Variants in FRMD4A observed in about 807,000 individuals in gnomAD.
The protein encoded by FRMD4A is FERM domain containing 4A.
Under a neutral mutation model 129.1 loss-of-function variants are expected in FRMD4A, and 29 were observed. The ratio of observed to expected loss-of-function variants is 0.22; its 90% CI spans 0.17 to 0.31. The LOEUF (loss-of-function observed/expected upper bound fraction) is 0.31. Ranked by LOEUF, FRMD4A falls within the 10% of genes least tolerant of loss-of-function variation. The pLI is 1.00. For missense variants in FRMD4A, 1,272 were observed against 1,375.8 expected, an observed-to-expected ratio of 0.92 and a Z score of 1.19; for synonymous variants, 634 against 571.6, an observed-to-expected ratio of 1.11 and a Z score of -1.56.
chr10:14,318,896 G>A (rs1354808265), intron 2 of FRMD4A, among the ~76,000 whole-genome samples: 1 of 152,150 alleles, frequency 6.6e-6, no homozygotes, highest in Non-Finnish European at 1.5e-5. Flanking sequence ...AATGCAACAG[G>A]AGCAAGTCTG....
intron 2 of FRMD4A, among the ~76,000 whole-genome samples, chr10:14,123,287 C>T (rs894675413): frequency 6.6e-6 from 1 of 152,164 alleles, no homozygotes; most frequent in African/African-American, 2.4e-5. Context: ...GTCCTGTTCC[C>T]AAGACTCCCT....
At chr10:14,167,967 T>C (rs939894363) in intron 2 of FRMD4A, among the ~76,000 whole-genome samples, 4 of 152,208 alleles carry the variant, frequency 2.6e-5, no homozygotes, top group African/African-American at 4.8e-5. Flanking sequence ...TCCTCCAGCC[T>C]TTTGGCACAA....
chr10:13,976,063 C>T (rs144666366), intron 2 of FRMD4A, among the ~76,000 whole-genome samples: 3 of 152,116 alleles, frequency 2.0e-5, no homozygotes, highest in African/African-American at 7.2e-5. Context: ...GTAGGGAATA[C>T]CATGTTAGAC....
At chr10:14,156,035 CA>C (rs766623446) in intron 2 of FRMD4A, among the ~76,000 whole-genome samples, 7 of 152,160 alleles carry the variant, frequency 4.6e-5, no homozygotes, top group Non-Finnish European at 8.8e-5. Flanking sequence ...CTCCCAGGTG[CA>C]GACACTGGGA....
intron 2 of FRMD4A, among the ~76,000 whole-genome samples, chr10:14,168,164 G>T (rs866753261): frequency 6.6e-6 from 1 of 152,270 alleles, no homozygotes; most frequent in African/African-American, 2.4e-5. Flanking sequence ...CAGAGGAGAC[G>T]CTTGGACTTT....
intron 2 of FRMD4A, among the ~76,000 whole-genome samples, chr10:14,125,952 C>G (rs966254737): frequency 2.6e-5 from 4 of 151,852 alleles, no homozygotes; most frequent in Non-Finnish European, 5.9e-5. Flanking sequence ...CTGAGATGAG[C>G]TCTAACTCCA....
chr10:14,097,523 G>A (rs1359138504), intron 2 of FRMD4A, among the ~76,000 whole-genome samples: 1 of 152,090 alleles, frequency 6.6e-6, no homozygotes, highest in African/African-American at 2.4e-5. Flanking sequence ...TACCGAGGAG[G>A]AAACGGAATT....
chr10:14,121,323 G>A (rs750269440), intron 2 of FRMD4A, among the ~76,000 whole-genome samples: 12 of 152,132 alleles, frequency 7.9e-5, no homozygotes, highest in Non-Finnish European at 1.3e-4. Flanking sequence ...AGCCAAGGTC[G>A]CACTACTGCA....
chr10:14,307,431 C>T (rs1383960664), intron 2 of FRMD4A, among the ~76,000 whole-genome samples: 1 of 152,214 alleles, frequency 6.6e-6, no homozygotes, highest in Non-Finnish European at 1.5e-5. Flanking sequence ...TCATTAGTGA[C>T]ATTCACACCA....
At chr10:13,952,595 G>A (rs1028349169) in intron 2 of FRMD4A, among the ~76,000 whole-genome samples, 2 of 152,214 alleles carry the variant, frequency 1.3e-5, no homozygotes, top group Non-Finnish European at 2.9e-5. Flanking sequence ...ACTGCTATAT[G>A]TCAAAGAGCA....
intron 2 of FRMD4A, among the ~76,000 whole-genome samples, chr10:14,060,431 A>G (rs1834753289): frequency 6.6e-6 from 1 of 152,198 alleles, no homozygotes; most frequent in Non-Finnish European, 1.5e-5. Context: ...GGAAGCACAG[A>G]GAGGTGAGTA....
chr10:13,761,366 T>C (rs2092067754), intron 8 of FRMD4A, among the ~76,000 whole-genome samples: 1 of 152,248 alleles, frequency 6.6e-6, no homozygotes, highest in South Asian at 2.1e-4. Flanking sequence ...TTGAGCAGCC[T>C]GTCCAACCTC....
chr10:13,714,497 T>C (rs7898447), intron 12 of FRMD4A, among the ~76,000 whole-genome samples: 4 of 152,190 alleles, frequency 2.6e-5, no homozygotes, highest in Admixed American at 2.0e-4. Context: ...TCAGGCAGCA[T>C]TGAATTCCCA....
chr10:13,650,622 C>T (rs529239762), intron 24 of FRMD4A, among the ~76,000 whole-genome samples: 2 of 152,292 alleles, frequency 1.3e-5, no homozygotes, highest in South Asian at 4.1e-4. Context: ...ATCACCCTGG[C>T]ACTGGGGCTG....
At chr10:14,317,845 C>T (rs1165403796) in intron 2 of FRMD4A, among the ~76,000 whole-genome samples, 1 of 150,720 alleles carries the variant, frequency 6.6e-6, no homozygotes, top group Non-Finnish European at 1.5e-5. Context: ...ACAGATTTTA[C>T]TCTGAACAGG....
chr10:14,253,485 T>G (rs1487289082), intron 2 of FRMD4A, among the ~76,000 whole-genome samples: 1 of 152,266 alleles, frequency 6.6e-6, no homozygotes, highest in Non-Finnish European at 1.5e-5. Flanking sequence ...AACCACTTTC[T>G]TTATATGAAT....
At chr10:14,025,160 C>T (rs1832931697) in intron 2 of FRMD4A, among the ~76,000 whole-genome samples, 1 of 152,232 alleles carries the variant, frequency 6.6e-6, no homozygotes, top group Non-Finnish European at 1.5e-5. Flanking sequence ...CCATCCTATG[C>T]ACCCCCTCTG....
chr10:14,304,967 T>C (rs1846300890), intron 2 of FRMD4A, among the ~76,000 whole-genome samples: 5 of 152,164 alleles, frequency 3.3e-5, no homozygotes. Context: ...TGATAAAGCT[T>C]CCCTTTTTTG....
chr10:13,853,438 T>C (rs1445481581), intron 3 of FRMD4A, among the ~76,000 whole-genome samples: 1 of 151,988 alleles, frequency 6.6e-6, no homozygotes, highest in African/African-American at 2.4e-5. Flanking sequence ...CTGGAGAGGC[T>C]GAGATGGGAG....
Sources: gnomAD v4.1 joint callset for allele counts (sites outside exome capture counted in the v4.1 genomes callset) on GRCh38, gnomAD v4.1.1 for gene constraint, MANE v1.5 for transcripts, NCBI Gene and HGNC (gene_info 2026-07-23, HGNC 2026-07-21) for gene names.